MAP3K7CL: variants seen among roughly 807,000 people sequenced by gnomAD.
MAP3K7CL encodes MAP3K7 C-terminal like.
MAP3K7CL carries 16 observed loss-of-function variants against 18.6 expected under a neutral mutation model. The observed-to-expected ratio is 0.86, with a 90% CI of 0.58 to 1.31. The LOEUF is 1.31. Ranked by LOEUF, MAP3K7CL falls within the 50% of genes most tolerant of loss-of-function variation. MAP3K7CL has a pLI of 0.00. For synonymous variants in MAP3K7CL, 65 were observed against 66.8 expected (o/e 0.97, Z 0.13); for missense variants, 163 against 174.4 (o/e 0.93, Z 0.37).
intron 1 of MAP3K7CL, among the ~76,000 whole-genome samples, chr21:29,090,047 A>G (rs1206582403): frequency 2.6e-5 from 4 of 152,254 alleles, no homozygotes; most frequent in Admixed American, 6.5e-5. Flanking sequence ...TATTTTCACC[A>G]TTATTGAATC....
chr21:29,117,532 T>TA (rs2086522834), intron 4 of MAP3K7CL, among the ~76,000 whole-genome samples: 1 of 152,216 alleles, frequency 6.6e-6, no homozygotes, highest in Non-Finnish European at 1.5e-5. Context: ...GTAGCTAAGC[T>TA]AAAAAAAGGA....
intron 4 of MAP3K7CL, among the ~76,000 whole-genome samples, chr21:29,124,441 GT>G (rs1184898260): frequency 6.8e-6 from 1 of 147,400 alleles, no homozygotes; most frequent in African/African-American, 2.5e-5. Flanking sequence ...AACCATTTAA[GT>G]TTTCATAAAT....
At chr21:29,157,777 T>C (rs2087442614) in intron 3 of MAP3K7CL, among the ~76,000 whole-genome samples, 1 of 152,182 alleles carries the variant, frequency 6.6e-6, no homozygotes, top group Admixed American at 6.5e-5. Context: ...TAAAAATCAT[T>C]ACAGGTGGTA....
intron 1 of MAP3K7CL, among the ~76,000 whole-genome samples, chr21:29,087,778 A>G (rs528764222): frequency 1.3e-5 from 2 of 151,968 alleles, no homozygotes; most frequent in East Asian, 3.9e-4. Flanking sequence ...TATTTTTAGT[A>G]GAGACGGGGT....
intron 4 of MAP3K7CL, among the ~76,000 whole-genome samples, chr21:29,101,476 CT>C (rs1328481125): frequency 3.3e-5 from 5 of 152,184 alleles, no homozygotes; most frequent in Non-Finnish European, 7.3e-5. Context: ...GTGGCGCCAT[CT>C]CTGCTCACTG....
chr21:29,091,589 C>T lies in MAP3K7CL; in HGVS notation c.133+13C>T, dbSNP rs1340617079. 3 of 700,936 alleles carry T rather than the reference C, an allele frequency of 4.3e-6. No individual in the cohort carries two copies. The South Asian group carries it at 4.5e-5, about 10-fold the overall frequency. The allele number at this position is 700,936 out of a possible 1,614,324, so 43.4% of individuals were successfully genotyped here. ...CTCCTGGGCCCAGGTAATTGTCCCACCTCAGCCCCTCAAGTAACTGGGACC... is the reference window on the plus strand; with the variant it reads ...CTCCTGGGCCCAGGTAATTGTCCCATCTCAGCCCCTCAAGTAACTGGGACC... On this transcript the variant is annotated intron_variant, in intron 2 of 6. Coordinates refer to the MAP3K7CL transcript ENST00000286791.
intron 4 of MAP3K7CL, among the ~76,000 whole-genome samples, chr21:29,092,949 G>C (rs899644843): frequency 6.6e-6 from 1 of 152,190 alleles, no homozygotes; most frequent in Non-Finnish European, 1.5e-5. Flanking sequence ...TGTCACCCAG[G>C]CTGGAGTGCA....
chr21:29,157,595 G>A (rs555380412), intron 3 of MAP3K7CL, among the ~76,000 whole-genome samples: 88 of 152,226 alleles, frequency 5.8e-4, no homozygotes, highest in Non-Finnish European at 1.0e-3. Context: ...TGTATAGATA[G>A]CATGATCATG....
chr21:29,139,241 A>G (rs2086950053), intron 2 of MAP3K7CL: 1 of 152,188 alleles, frequency 6.6e-6, no homozygotes, highest in Admixed American at 6.5e-5. Flanking sequence ...TCTCAGCAAA[A>G]TTGTGGTGCA....
intron 4 of MAP3K7CL, among the ~76,000 whole-genome samples, chr21:29,124,315 C>T (rs983020168): frequency 3.0e-5 from 4 of 134,674 alleles, no homozygotes; most frequent in African/African-American, 5.8e-5. Flanking sequence ...TATCGCGCCA[C>T]TGTGCTCTAG....
intron 2 of MAP3K7CL, among the ~76,000 whole-genome samples, chr21:29,141,152 C>G (rs1020631513): frequency 2.6e-5 from 4 of 152,162 alleles, no homozygotes; most frequent in Non-Finnish European, 4.4e-5. Context: ...AATATTCTAA[C>G]AACAGGATAA....
chr21:29,150,953 A>ATTTT (rs2087257785), intron 3 of MAP3K7CL, among the ~76,000 whole-genome samples: 1 of 151,230 alleles, frequency 6.6e-6, no homozygotes, highest in African/African-American at 2.4e-5. Flanking sequence ...TATTTTTAGT[A>ATTTT]GAGACGGGGT....
intron 3 of MAP3K7CL, among the ~76,000 whole-genome samples, chr21:29,151,386 G>T (rs1439410381): frequency 1.3e-5 from 2 of 151,984 alleles, no homozygotes; most frequent in African/African-American, 4.8e-5. Context: ...GAAACCAGGA[G>T]GCGGAGGTTG....
intron 4 of MAP3K7CL, among the ~76,000 whole-genome samples, chr21:29,096,426 C>T (rs1451171062): frequency 6.6e-6 from 1 of 152,098 alleles, no homozygotes; most frequent in Non-Finnish European, 1.5e-5. Context: ...AGGGAAAGCA[C>T]AAAGTGCACA....
intron 2 of MAP3K7CL, among the ~76,000 whole-genome samples, chr21:29,143,193 T>TAGCAG (rs146733301): frequency 0.36 from 54,684 of 151,664 alleles, 10,013 homozygotes; most frequent in African/African-American, 0.42. Context: ...CAAGACACTA[T>TAGCAG]AGCATTAAAT....
At chr21:29,172,914 G>A (rs114670009) in intron 4 of MAP3K7CL, among the ~76,000 whole-genome samples, 226 of 143,182 alleles carry the variant, frequency 1.6e-3, no homozygotes, top group African/African-American at 5.8e-3. Flanking sequence ...TGCTTTTCAG[G>A]AATATATGTA....
At chr21:29,171,896 T>C (rs374806391) in intron 4 of MAP3K7CL, among the ~76,000 whole-genome samples, 3 of 151,790 alleles carry the variant, frequency 2.0e-5, no homozygotes, top group East Asian at 3.9e-4. Context: ...TGCCTTATTC[T>C]TCCTCCCACG....
At chr21:29,092,223 G>A in intron 3 of MAP3K7CL, 1 of 526,804 alleles carries the variant, frequency 1.9e-6, no homozygotes, top group African/African-American at 1.9e-5. Flanking sequence ...TTTCTCTGTT[G>A]AACATCCAGG....
chr21:29,174,797 G>C lies in MAP3K7CL; in HGVS notation c.334G>C (p.Glu112Gln). 1 of 1,614,188 alleles carries C rather than the reference G, an allele frequency of 6.2e-7. No individual in the cohort carries two copies. Among genetic ancestry groups the C allele is most frequent in the Non-Finnish European group, 8.5e-7 (1 of 1,180,026 alleles). Residue 112 changes from glutamate to glutamine, a missense_variant, in exon 5 of 5, where the codon GAG (glutamate) becomes CAG (glutamine). Transcript: ENST00000399928. Reference protein sequence around the residue: ...ELVREFEALTEENRTLRLAQS... With the variant: ...ELVREFEALTQENRTLRLAQS... ...GGTTCGGGAATTCGAGGCTCTGACG[G>C]AGGAGAATCGGACGTTGAGGTTGGC...
Sources: allele counts gnomAD v4.1 joint callset (sites outside exome capture counted in the v4.1 genomes callset), GRCh38; gene constraint gnomAD v4.1.1; transcripts MANE v1.5; gene names NCBI Gene and HGNC (gene_info 2026-07-23, HGNC 2026-07-21).